KIF1A: variants seen among roughly 807,000 people sequenced by gnomAD.
KIF1A encodes the protein kinesin-like protein KIF1A.
Under a neutral mutation model 227.3 loss-of-function variants are expected in KIF1A, and 46 were observed. The observed-to-expected ratio is 0.20, with a 90% CI of 0.16 to 0.26. The LOEUF (loss-of-function observed/expected upper bound fraction) is 0.26. Ranked by LOEUF, KIF1A falls within the 10% of genes least tolerant of loss-of-function variation. KIF1A has a pLI of 1.00. For missense variants in KIF1A, 1,683 were observed against 2,485.9 expected, an observed-to-expected ratio of 0.68 and a Z score of 6.87; for synonymous variants, 1,022 against 1,012.8, an observed-to-expected ratio of 1.01 and a Z score of -0.17.
At chr2:240,819,565 C>T (rs2058576426) in intron 1 of KIF1A, among the ~76,000 whole-genome samples, 1 of 152,002 alleles carries the variant, frequency 6.6e-6, no homozygotes, top group African/African-American at 2.4e-5. Flanking sequence ...CTCCCCCACC[C>T]CGGGAACCGG....
chr2:240,812,921 A>ATCCGCCT (rs1239784155), intron 1 of KIF1A, among the ~76,000 whole-genome samples: 2,056 of 134,224 alleles, frequency 0.015, 36 homozygotes, highest in Admixed American at 0.019. Context: ...CACCTCGGGG[A>ATCCGCCT]TCAGCCTTCA....
In KIF1A at chr2:240,719,861, TTGG is replaced by T. The variant is rs755324484; in HGVS notation, c.4931_4933del (p.Ser1644_Lys1645delinsTer). 1 of 1,612,074 alleles carries T rather than the reference TTGG, an allele frequency of 6.2e-7. No homozygotes were observed. The highest frequency in any genetic ancestry group is 1.7e-5 in the Admixed American group (1 of 59,946). ...TGCCCGGGCAGGGGAAGGGAGCTTC[TTGG>T]AGTCGGCCTCTGGCAGCAGCTCGGG... On this transcript the variant is annotated stop_gained and inframe_deletion, in exon 46 of 49. Transcript: ENST00000498729. LOFTEE classifies it high-confidence loss of function.
rs767331601 is a variant in KIF1A at position 240,797,689 on chromosome 2, G to T, written c.64C>A (p.Arg22Ser). 6.2e-7 allele frequency: 1 copy of T among 1,612,896 alleles called. No individual in the cohort carries two copies. The highest frequency in any genetic ancestry group is 1.7e-5 in the Admixed American group (1 of 59,982). The change falls in exon 2 of 49, where the codon CGT (arginine) becomes AGT (serine). Residue 22 changes from arginine to serine, a missense_variant. Arg to Ser is a moderately radical substitution (Grantham distance 110). This residue lies in a region of KIF1A where 71 missense variants were observed against 129.1 expected (regional missense o/e 0.55). Transcript: ENST00000498729. ...ATCTGAATGATGCACTTGGAGTCACGGCTCATTTCCCGGGAATTGAAGGGG... is the reference window on the plus strand; with the variant it reads ...ATCTGAATGATGCACTTGGAGTCACTGCTCATTTCCCGGGAATTGAAGGGG... ...VRPFNSREMS[R>S]DSKCIIQMSG...
chr2:240,781,714 T>A (rs2054046418), intron 10 of KIF1A: 7 of 970,388 alleles, frequency 7.2e-6, no homozygotes, highest in Middle Eastern at 5.3e-4. Context: ...CTGTGCCGTT[T>A]CCCACACGCT....
chr2:240,808,137 G>T (rs947227027), intron 1 of KIF1A, among the ~76,000 whole-genome samples: 10 of 152,152 alleles, frequency 6.6e-5, no homozygotes, highest in African/African-American at 2.4e-4. Context: ...TTGTAGGAGA[G>T]GTTCTGGCCA....
At chr2:240,734,829 C>T in intron 38 of KIF1A, 2 of 1,060,462 alleles carry the variant, frequency 1.9e-6, no homozygotes, top group East Asian at 5.9e-5. Context: ...AGGGAAGCGG[C>T]CTGTGGCCAC....
Position 240,719,233 on chromosome 2 carries a change from G to A in KIF1A, c.5022-35C>T, listed in dbSNP as rs141339458. On this transcript the variant is annotated intron_variant, in intron 46 of 48. Coordinates refer to ENST00000498729, the MANE Select transcript of KIF1A (RefSeq NM_001244008.2). ...GAGAGAGCTGCTCGCTGGGGCCCTC[G>A]GTGGGGGCAGCGACTGACTCGGGCA... 4.0e-3 allele frequency: 6,252 copies of A among 1,576,904 alleles called. 128 individuals are homozygous for A. Among genetic ancestry groups the A allele is most frequent in the East Asian group, 0.039 (1,698 of 43,348 alleles).
chr2:240,786,598 G>A, intron 5 of KIF1A, 85 bp from the exon 6 acceptor site: 7 of 1,337,458 alleles, frequency 5.2e-6, no homozygotes, highest in Non-Finnish European at 7.4e-6. Flanking sequence ...GAGGGGGTAG[G>A]GGTCAACATA....
rs960330317 is a variant in KIF1A, at chr2:240,715,548, C to T, written c.*1816G>A. The T allele has an allele frequency of 3.9e-5, 6 of 152,316 alleles. No individual in the cohort carries two copies. The highest frequency in any genetic ancestry group is 1.2e-4 in the African/African-American group (5 of 41,454). 9.4% of individuals were successfully genotyped at this position (152,316 alleles called of 1,614,324 possible). On this transcript the variant is annotated 3_prime_UTR_variant, in exon 49 of 49. Transcript: ENST00000498729. Reference sequence around the variant, plus strand: ...CCCAGGCAGGCAGCCACAGAGACTGCAGCCAGCATGGGCCCTGGCCTGCCC... The same window carrying T: ...CCCAGGCAGGCAGCCACAGAGACTGTAGCCAGCATGGGCCCTGGCCTGCCC...
At position 240,745,767 on chromosome 2, in the gene KIF1A, G is replaced by A. The variant is rs370286749; in HGVS notation, c.3345C>T (p.Ala1115=). Residue 1115 remains alanine (A), a synonymous_variant, in exon 31 of 49, where the codon GCC becomes GCT. Coordinates refer to ENST00000498729, the MANE Select transcript of KIF1A (RefSeq NM_001244008.2). ...ACTGGCAGAAGATGTCGGCATATTC[G>A]GCAGAGATGCTGGACGCCTGCAGGA... ...VTVLQASSIS[A]EYADIFCQFN... is the part of the protein sequence containing the mutation. 3.8e-5 allele frequency: 62 copies of A among 1,612,662 alleles called. No homozygotes were observed. The highest frequency in any genetic ancestry group is 3.1e-4 in the East Asian group (14 of 44,852).
At chr2:240,780,642 C>A (rs955258074) in intron 10 of KIF1A, among the ~76,000 whole-genome samples, 1 of 151,996 alleles carries the variant, frequency 6.6e-6, no homozygotes. Flanking sequence ...CAGCTACCCT[C>A]AGGCCCCCAG....
chr2:240,795,439 A>G (rs999606465), intron 2 of KIF1A, among the ~76,000 whole-genome samples: 3 of 152,144 alleles, frequency 2.0e-5, no homozygotes, highest in African/African-American at 7.2e-5. Flanking sequence ...TCTCCAGGCC[A>G]GAGGAGAGGG....
chr2:240,780,208 C>T (rs925756278), intron 10 of KIF1A, among the ~76,000 whole-genome samples: 5 of 152,022 alleles, frequency 3.3e-5, no homozygotes, highest in Non-Finnish European at 5.9e-5. Context: ...CCTGGCCCCC[C>T]GCAGTTTCTC....
At chr2:240,763,933 G>A (rs1001178072) in intron 20 of KIF1A, among the ~76,000 whole-genome samples, 8 of 152,268 alleles carry the variant, frequency 5.3e-5, no homozygotes, top group African/African-American at 1.7e-4. Context: ...CAGGGCCACC[G>A]AGGCATGGGC....
rs562481679 is a variant in KIF1A, at chr2:240,718,991, C to G, written c.5214+15G>C. On this transcript the variant is annotated intron_variant, in intron 47 of 48. Coordinates refer to ENST00000498729, the MANE Select transcript of KIF1A (RefSeq NM_001244008.2). ...GGGTTCCTGGTGCCCGAGCCTGAGC[C>G]GGGCCCAGCCGCACCTTGAGCATAG... 6.3e-7 allele frequency: 1 copy of G among 1,591,344 alleles called. No homozygotes were observed. Among genetic ancestry groups the G allele is most frequent in the Non-Finnish European group, 8.6e-7 (1 of 1,163,590 alleles).
intron 9 of KIF1A, 124 bp from the exon 10 acceptor site, chr2:240,782,731 G>A (rs1289089862): frequency 9.6e-7 from 1 of 1,043,928 alleles, no homozygotes; most frequent in African/African-American, 1.6e-5. Context: ...CCACCCCGTG[G>A]TCTCCTAGAC....
chr2:240,721,087 G>T, intron 44 of KIF1A, 49 bp from the exon 45 acceptor site: 1 of 1,602,090 alleles, frequency 6.2e-7, no homozygotes, highest in Non-Finnish European at 8.5e-7. Flanking sequence ...GGGGGTCTCC[G>T]GCCTCTGTGG....
chr2:240,785,930 G>C (rs1266341095), intron 6 of KIF1A, among the ~76,000 whole-genome samples: 1 of 152,166 alleles, frequency 6.6e-6, no homozygotes, highest in Non-Finnish European at 1.5e-5. Context: ...AAGGAGCCAG[G>C]TTGCTTATGG....
At chr2:240,809,468 GCTT>G (rs2057692085) in intron 1 of KIF1A, among the ~76,000 whole-genome samples, 1 of 152,204 alleles carries the variant, frequency 6.6e-6, no homozygotes, top group Non-Finnish European at 1.5e-5. Flanking sequence ...GGGAAAGGTG[GCTT>G]TACAGAGCAA....
Sources: allele counts gnomAD v4.1 joint callset (sites outside exome capture counted in the v4.1 genomes callset), GRCh38; gene constraint gnomAD v4.1.1; regional missense constraint gnomAD v4.1.1; transcripts MANE v1.5; gene names NCBI Gene and HGNC (gene_info 2026-07-23, HGNC 2026-07-21).